Variants in STOML3 observed in about 807,000 individuals in gnomAD.
STOML3 encodes stomatin-like protein 3.
A neutral mutation model predicts 29.5 loss-of-function variants in STOML3; 31 were observed. That is an observed-to-expected ratio of 1.05 (90% confidence interval 0.79 to 1.42). STOML3 has a LOEUF of 1.42. STOML3 is among the 40% of genes most tolerant of loss of function. The pLI is 0.00. For synonymous variants in STOML3, 122 were observed against 139.8 expected, an observed-to-expected ratio of 0.87 and a Z score of 0.90; for missense variants, 380 against 363.0, an observed-to-expected ratio of 1.05 and a Z score of -0.38.
intron 5 of STOML3, 117 bp from the exon 6 acceptor site, chr13:38,968,651 T>A (rs1810624663): frequency 8.0e-7 from 1 of 1,255,302 alleles, no homozygotes; most frequent in African/African-American, 1.5e-5. Flanking sequence ...CTTTTGCATT[T>A]ACAGCATTTG....
At chr13:38,988,261 A>G (rs1421320741) in intron 1 of STOML3, among the ~76,000 whole-genome samples, 2 of 88,174 alleles carry the variant, frequency 2.3e-5, no homozygotes, top group Non-Finnish European at 3.7e-5. Context: ...TATATTTTAT[A>G]TCATATATTA....
At chr13:38,985,902 C>CTTT (rs1371193997) in intron 1 of STOML3, among the ~76,000 whole-genome samples, 19 of 35,398 alleles carry the variant, frequency 5.4e-4, no homozygotes, top group South Asian at 2.2e-3. Flanking sequence ...TTTTTTTTTT[C>CTTT]TTTTCTTTCT....
chr13:38,966,772 C>A lies in STOML3; in HGVS notation c.*53G>T. 6.8e-7 allele frequency: 1 copy of A among 1,463,170 alleles called. No individual in the cohort carries two copies. Among genetic ancestry groups the A allele is most frequent in the Non-Finnish European group, 9.5e-7 (1 of 1,049,702 alleles). 90.6% of individuals were successfully genotyped at this position (1,463,170 alleles called of 1,614,324 possible). A position where few individuals can be genotyped will look rare whatever the true frequency, so the allele number is the denominator to read the frequency against. ...TCACCGTTTCTAACTACTGGCTTCTCCATAGGAATAGACACCACTCTCTAT... is the reference window on the plus strand; with the variant it reads ...TCACCGTTTCTAACTACTGGCTTCTACATAGGAATAGACACCACTCTCTAT... On this transcript the variant is annotated 3_prime_UTR_variant, in exon 7 of 7. Transcript: ENST00000379631.
chr13:38,981,419 G>C (rs1399197210), intron 1 of STOML3, among the ~76,000 whole-genome samples: 4 of 152,180 alleles, frequency 2.6e-5, no homozygotes, highest in African/African-American at 9.7e-5. Context: ...CAGGAAGTAG[G>C]AGAGAATGTT....
chr13:38,968,564 A>G, intron 5 of STOML3, 30 bp from the exon 6 acceptor site: 1 of 1,612,702 alleles, frequency 6.2e-7, no homozygotes, highest in Non-Finnish European at 8.5e-7. Context: ...GAAGACTAAT[A>G]AGAAAGACAG....
At chr13:38,976,872 A>G in intron 1 of STOML3, 75 bp from the exon 2 acceptor site, 1 of 1,260,220 alleles carries the variant, frequency 7.9e-7, no homozygotes, top group Non-Finnish European at 1.1e-6. Context: ...TGGGTGTGGA[A>G]CCTATCCAGA....
At chr13:38,986,589 C>A (rs1033377179) in intron 1 of STOML3, among the ~76,000 whole-genome samples, 2 of 152,056 alleles carry the variant, frequency 1.3e-5, no homozygotes, top group Admixed American at 1.3e-4. Context: ...CTGGTTCTCT[C>A]TGTAGAGAAT....
Position 38,990,711 on chromosome 13 carries a change from C to G in STOML3, c.11G>C (p.Arg4Thr). Residue 4 changes from arginine (R) to threonine (T), a missense_variant, in exon 1 of 7, where the codon AGG becomes ACG. Physicochemically the swap from Arg to Thr is moderately conservative, Grantham distance 71. Coordinates refer to ENST00000379631, the MANE Select transcript of STOML3 (RefSeq NM_145286.3). MDS[R>T]VSSPEKQDKE... Reference sequence around the variant, plus strand: ...ATCTTGCTTCTCAGGTGAAGACACCCTAGAATCCATCTCATTCTTGAGAAG... The same window carrying G: ...ATCTTGCTTCTCAGGTGAAGACACCGTAGAATCCATCTCATTCTTGAGAAG... 2 of 1,613,846 alleles carry G rather than the reference C, an allele frequency of 1.2e-6. No homozygotes were observed. The highest frequency in any genetic ancestry group is 1.7e-6 in the Non-Finnish European group (2 of 1,179,844).
intron 1 of STOML3, among the ~76,000 whole-genome samples, chr13:38,983,408 G>A (rs1881333513): frequency 6.6e-6 from 1 of 152,158 alleles, no homozygotes; most frequent in South Asian, 2.1e-4. Flanking sequence ...CTTTGAAAAT[G>A]TACACTTTAT....
intron 4 of STOML3, among the ~76,000 whole-genome samples, chr13:38,971,946 CA>C (rs1217926668): frequency 2.0e-5 from 3 of 151,878 alleles, no homozygotes; most frequent in South Asian, 2.1e-4. Context: ...AACAAACAAA[CA>C]AAAAAAAGAC....
chr13:38,985,148 G>A (rs1267554382), intron 1 of STOML3, among the ~76,000 whole-genome samples: 1 of 152,166 alleles, frequency 6.6e-6, no homozygotes, highest in Non-Finnish European at 1.5e-5. Context: ...ATAGGGCAGG[G>A]CACGGTGGCT....
chr13:38,990,553 T>C, intron 1 of STOML3, 117 bp downstream of exon 1: 1 of 970,580 alleles, frequency 1.0e-6, no homozygotes, highest in East Asian at 2.6e-5. Flanking sequence ...ATAAATGAAA[T>C]TGAGGCCGAT....
chr13:38,987,248 C>A (rs993872884), intron 1 of STOML3, among the ~76,000 whole-genome samples: 1 of 152,170 alleles, frequency 6.6e-6, no homozygotes. Flanking sequence ...CCAGGCCTGG[C>A]ACAGTGGCTC....
rs1433294242 is a variant in STOML3 at position 38,990,748 on chromosome 13, G to C, written c.-27C>G. ...TCATTCTTGAGAAGCTTTTATACTT[G>C]GCAATTTTTCATGGGTTTGGAGCTA... is the stretch of plus-strand genomic sequence containing the variant. On this transcript the variant is annotated 5_prime_UTR_variant, in exon 1 of 7. Coordinates refer to ENST00000379631, the MANE Select transcript of STOML3 (RefSeq NM_145286.3). The C allele has an allele frequency of 6.2e-7, 1 of 1,611,734 alleles. No individual in the cohort carries two copies. The highest frequency in any genetic ancestry group is 1.3e-5 in the African/African-American group (1 of 74,854).
intron 3 of STOML3, among the ~76,000 whole-genome samples, chr13:38,973,259 G>C (rs1344031344): frequency 6.6e-6 from 1 of 151,608 alleles, no homozygotes; most frequent in Admixed American, 6.6e-5. Context: ...TCCAGCCTGG[G>C]CAACAAAAGC....
rs765852384 is a variant in STOML3, at chr13:38,968,512, T to G, written c.539A>C (p.Glu180Ala). ...TCGGGCCACCCGGATCCCCCACAGT[T>G]CGGTGGCATCATCAAGTAAAGTCTG... Reference protein sequence around the residue: ...SIQTLLDDATELWGIRVARVE... With the variant: ...SIQTLLDDATALWGIRVARVE... The change falls in exon 6 of 7, where the codon GAA becomes GCA. Residue 180 changes from glutamate to alanine, a missense_variant. Transcript: ENST00000379631. 2 of 1,614,156 alleles carry G rather than the reference T, an allele frequency of 1.2e-6. No individual in the cohort carries two copies. The highest frequency in any genetic ancestry group is 2.2e-5 in the South Asian group (2 of 91,082).
At chr13:38,970,599 CT>C (rs1880828327) in intron 4 of STOML3, among the ~76,000 whole-genome samples, 1 of 152,188 alleles carries the variant, frequency 6.6e-6, no homozygotes, top group Non-Finnish European at 1.5e-5. Context: ...ACCCCTGTGA[CT>C]TCATCTTTAA....
intron 3 of STOML3, among the ~76,000 whole-genome samples, chr13:38,973,174 C>T (rs565465441): frequency 1.4e-5 from 2 of 146,574 alleles, no homozygotes; most frequent in South Asian, 2.2e-4. Flanking sequence ...CCCAGCTACT[C>T]GGGAGGCTGA....
At position 38,976,611 on chromosome 13, in the gene STOML3, A is replaced by G. The variant is rs776011125; in HGVS notation, c.158T>C (p.Ile53Thr). ...FPISIWMCLK[I>T]IKEYERAVVF... The stretch of plus-strand genomic sequence containing the variant: ...AACAGCACGTTCATACTCCTTAATG[A>G]TCTAGGAGATTAAGGGCGAACGTTT... Residue 53 changes from isoleucine (I) to threonine (T), a missense_variant and splice_region_variant, in exon 3 of 7, where the codon ATC (isoleucine) becomes ACC (threonine). Ile to Thr is a moderately conservative substitution (Grantham distance 89). Transcript: ENST00000379631. The G allele has an allele frequency of 5.0e-6, 8 of 1,614,112 alleles. No homozygotes were observed. The Admixed American group carries it at 1.0e-4, about 20-fold the overall frequency.
Sources: gnomAD v4.1 joint callset for allele counts (sites outside exome capture counted in the v4.1 genomes callset) on GRCh38, gnomAD v4.1.1 for gene constraint, MANE v1.5 for transcripts, NCBI Gene and HGNC (gene_info 2026-07-23, HGNC 2026-07-21) for gene names.